The following LRFN5 variants were observed in gnomAD, a reference collection of about 807,000 sequenced individuals.
LRFN5 encodes the protein leucine-rich repeat and fibronectin type-III domain-containing protein 5.
Under a neutral mutation model 45.6 loss-of-function variants are expected in LRFN5, and 24 were observed. The ratio of observed to expected loss-of-function variants is 0.53; its 90% CI spans 0.38 to 0.74. The LOEUF (loss-of-function observed/expected upper bound fraction) is 0.74, where lower values mean the gene tolerates loss of function less well. LRFN5 is among the 30% of genes least tolerant of loss of function. The probability of loss-of-function intolerance (pLI) is 0.00; values close to 1 mark genes in which losing one functional copy is unlikely to be tolerated. For missense variants in LRFN5, 776 were observed against 861.5 expected (o/e 0.90, Z 1.24); for synonymous variants, 340 against 313.8 (o/e 1.08, Z -0.88).
intron 1 of LRFN5, among the ~76,000 whole-genome samples, chr14:41,711,608 CT>C (rs894142575): frequency 1.2e-4 from 19 of 152,290 alleles, no homozygotes; most frequent in Admixed American, 3.9e-4. Flanking sequence ...CTGTAAATTA[CT>C]TTTAATGTAG....
chr14:41,785,120 T>C (rs1886672614), intron 2 of LRFN5, among the ~76,000 whole-genome samples: 1 of 152,170 alleles, frequency 6.6e-6, no homozygotes. Flanking sequence ...AGCTTTTCCA[T>C]TCTTTTACTA....
At position 41,607,711 on chromosome 14, in the gene LRFN5, C is replaced by A. The variant is rs1033668886; in HGVS notation, c.-1048C>A. ...TTTGGAGCGGCTGCTGGGCTGTGGA[C>A]CCAGGTGTGTGGATCGCTTTACCCA... On this transcript the variant is annotated 5_prime_UTR_variant, in exon 1 of 6. Coordinates refer to ENST00000298119, the MANE Select transcript of LRFN5 (RefSeq NM_152447.5). 5 of 152,256 alleles carry A rather than the reference C, an allele frequency of 3.3e-5. No homozygotes were observed. Among genetic ancestry groups the A allele is most frequent in the Admixed American group, 3.3e-4 (5 of 15,278 alleles). The allele number at this position is 152,256 out of a possible 1,614,324, so 9.4% of individuals were successfully genotyped here.
At chr14:41,808,400 AAAGGAAGAAAGG>A (rs1294631062) in intron 2 of LRFN5, among the ~76,000 whole-genome samples, 15 of 61,368 alleles carry the variant, frequency 2.4e-4, no homozygotes, top group Admixed American at 6.9e-4. Context: ...GGAAAGGAAG[AAAGGAAGAAAGG>A]AAGGAAGGAA....
chr14:41,851,551 T>C (rs1479504741), intron 2 of LRFN5, among the ~76,000 whole-genome samples: 1 of 151,786 alleles, frequency 6.6e-6, no homozygotes, highest in African/African-American at 2.4e-5. Flanking sequence ...AGGTACTTTT[T>C]TACATAAATT....
intron 1 of LRFN5, among the ~76,000 whole-genome samples, chr14:41,636,625 AAAGT>A (rs1021487512): frequency 6.6e-6 from 1 of 152,096 alleles, no homozygotes; most frequent in African/African-American, 2.4e-5. Context: ...TAAAAAAAAA[AAAGT>A]AAGTAGGTGC....
At chr14:41,808,091 C>T (rs563689933) in intron 2 of LRFN5, among the ~76,000 whole-genome samples, 2 of 149,636 alleles carry the variant, frequency 1.3e-5, no homozygotes, top group South Asian at 4.2e-4. Flanking sequence ...CATATTTGCA[C>T]TGTAGGATGT....
At chr14:41,781,621 A>AG (rs1886519700) in intron 2 of LRFN5, among the ~76,000 whole-genome samples, 1 of 107,230 alleles carries the variant, frequency 9.3e-6, no homozygotes, top group African/African-American at 4.4e-5. Context: ...AGAAAGAGAA[A>AG]GAAAGAAAGA....
chr14:41,705,143 A>G (rs1883011129), intron 1 of LRFN5, among the ~76,000 whole-genome samples: 8 of 152,034 alleles, frequency 5.3e-5, no homozygotes, highest in Admixed American at 5.3e-4. Flanking sequence ...AACTAATATA[A>G]TTGCAAATGA....
intron 1 of LRFN5, among the ~76,000 whole-genome samples, chr14:41,609,373 A>T (rs577330603): frequency 6.7e-6 from 1 of 149,528 alleles, no homozygotes; most frequent in South Asian, 2.1e-4. Context: ...GATATTTTGA[A>T]TTTTTTTTTT....
chr14:41,856,034 A>G (rs1889440167), intron 2 of LRFN5, among the ~76,000 whole-genome samples: 1 of 152,104 alleles, frequency 6.6e-6, no homozygotes, highest in Non-Finnish European at 1.5e-5. Flanking sequence ...GGCCTTTCAG[A>G]CAGTTAATTT....
chr14:41,640,391 A>T (rs1370200736), intron 1 of LRFN5, among the ~76,000 whole-genome samples: 2 of 152,082 alleles, frequency 1.3e-5, no homozygotes, highest in African/African-American at 4.8e-5. Flanking sequence ...ACGTCAAAGA[A>T]CCATATATTC....
intron 1 of LRFN5, among the ~76,000 whole-genome samples, chr14:41,762,429 C>G (rs1885711343): frequency 6.6e-6 from 1 of 152,016 alleles, no homozygotes; most frequent in African/African-American, 2.4e-5. Context: ...AAAAGTTTTC[C>G]TATAGCCAAG....
chr14:41,781,600 GA>G (rs1297761780), intron 2 of LRFN5, among the ~76,000 whole-genome samples: 4 of 82,748 alleles, frequency 4.8e-5, no homozygotes, highest in African/African-American at 2.2e-4. Flanking sequence ...AAGAAAGAAA[GA>G]AAGAAAGAAA....
intron 1 of LRFN5, among the ~76,000 whole-genome samples, chr14:41,765,256 GGC>G (rs1885833241): frequency 6.6e-6 from 1 of 151,464 alleles, no homozygotes; most frequent in African/African-American, 2.4e-5. Context: ...GCAGGAGAAT[GGC>G]GTGAACCCGG....
At chr14:41,689,161 C>T (rs141064080) in intron 1 of LRFN5, among the ~76,000 whole-genome samples, 118 of 151,980 alleles carry the variant, frequency 7.8e-4, no homozygotes, top group Middle Eastern at 3.4e-3. Context: ...GAAGAAAGCT[C>T]TCCAATCAAT....
chr14:41,864,422 G>C (rs1463553076), intron 2 of LRFN5, among the ~76,000 whole-genome samples: 2 of 152,184 alleles, frequency 1.3e-5, no homozygotes, highest in Non-Finnish European at 2.9e-5. Flanking sequence ...CTAATGACAA[G>C]TGATGATGAG....
At chr14:41,760,595 T>C (rs1885618893) in intron 1 of LRFN5, among the ~76,000 whole-genome samples, 1 of 152,194 alleles carries the variant, frequency 6.6e-6, no homozygotes, top group Non-Finnish European at 1.5e-5. Flanking sequence ...TTTTTAAAAA[T>C]TTGTATGTTT....
chr14:41,847,758 TA>T (rs1889119974), intron 2 of LRFN5, among the ~76,000 whole-genome samples: 1 of 152,130 alleles, frequency 6.6e-6, no homozygotes, highest in Non-Finnish European at 1.5e-5. Context: ...GAATTATTTT[TA>T]TCTTGCACAA....
chr14:41,879,994 G>C (rs115047671), intron 2 of LRFN5, among the ~76,000 whole-genome samples: 4,719 of 125,886 alleles, frequency 0.037, 110 homozygotes, highest in African/African-American at 0.087. Context: ...AAGATCTAAT[G>C]TCGGCTCACT....
Sources: allele counts gnomAD v4.1 joint callset (sites outside exome capture counted in the v4.1 genomes callset), GRCh38; gene constraint gnomAD v4.1.1; transcripts MANE v1.5; gene names NCBI Gene and HGNC (gene_info 2026-07-23, HGNC 2026-07-21).